SEMA5A: variants seen among roughly 807,000 people sequenced by gnomAD.
The protein encoded by SEMA5A is semaphorin-5A.
A neutral mutation model predicts 135.5 loss-of-function variants in SEMA5A; 55 were observed. That is an observed-to-expected ratio of 0.41 (90% CI 0.33 to 0.51). The LOEUF (loss-of-function observed/expected upper bound fraction) is 0.51, where lower values mean the gene tolerates loss of function less well. Among genes scored for constraint, SEMA5A ranks in the 20% least tolerant of loss-of-function variants. SEMA5A has a pLI of 0.37. For missense variants in SEMA5A, 1,290 were observed against 1,419.9 expected (o/e 0.91, Z 1.47); for synonymous variants, 580 against 546.5 (o/e 1.06, Z -0.85).
chr5:9,503,413 C>G (rs937169670), intron 1 of SEMA5A, among the ~76,000 whole-genome samples: 3 of 152,148 alleles, frequency 2.0e-5, no homozygotes, highest in African/African-American at 7.2e-5. Flanking sequence ...GAGGTGGTGT[C>G]CTAGAGACTA....
intron 3 of SEMA5A, among the ~76,000 whole-genome samples, chr5:9,356,319 C>T (rs1754444934): frequency 6.6e-6 from 1 of 152,168 alleles, no homozygotes; most frequent in Non-Finnish European, 1.5e-5. Context: ...GGTGTGTGTG[C>T]ATGTGCGTGC....
chr5:9,220,879 T>C (rs1290952800), intron 8 of SEMA5A, among the ~76,000 whole-genome samples: 1 of 152,190 alleles, frequency 6.6e-6, no homozygotes, highest in African/African-American at 2.4e-5. Context: ...CAGCGCCGCA[T>C]GGTGGGATGC....
intron 2 of SEMA5A, among the ~76,000 whole-genome samples, chr5:9,408,689 A>T (rs1296912198): frequency 1.3e-5 from 2 of 152,226 alleles, no homozygotes; most frequent in Non-Finnish European, 2.9e-5. Flanking sequence ...CATATGAAGA[A>T]ACTGAGGCAA....
At chr5:9,296,343 G>A (rs1435692313) in intron 5 of SEMA5A, among the ~76,000 whole-genome samples, 1 of 152,070 alleles carries the variant, frequency 6.6e-6, no homozygotes, top group Non-Finnish European at 1.5e-5. Flanking sequence ...GTGGTAAACT[G>A]CGATTTGTCA....
intron 5 of SEMA5A, among the ~76,000 whole-genome samples, chr5:9,297,281 C>T (rs545057689): frequency 2.8e-4 from 43 of 152,070 alleles, no homozygotes; most frequent in African/African-American, 8.7e-4. Flanking sequence ...GGGGGAATTA[C>T]GCCTGCAGGA....
chr5:9,385,045 T>C (rs1252597614), intron 2 of SEMA5A, among the ~76,000 whole-genome samples: 1 of 152,190 alleles, frequency 6.6e-6, no homozygotes, highest in Admixed American at 6.5e-5. Context: ...ACAAATGAAT[T>C]TGCCAATATG....
intron 16 of SEMA5A, among the ~76,000 whole-genome samples, chr5:9,103,174 T>G (rs1739722323): frequency 1.3e-5 from 2 of 152,240 alleles, no homozygotes; most frequent in South Asian, 4.1e-4. Context: ...AGTTGCAGGG[T>G]TTTTGGGTAC....
At chr5:9,405,961 A>T (rs938366454) in intron 2 of SEMA5A, among the ~76,000 whole-genome samples, 12 of 152,204 alleles carry the variant, frequency 7.9e-5, no homozygotes, top group African/African-American at 2.9e-4. Context: ...CAACAAGATG[A>T]TGAATATCTG....
chr5:9,394,834 T>TA (rs1756319675), intron 2 of SEMA5A, among the ~76,000 whole-genome samples: 1 of 152,154 alleles, frequency 6.6e-6, no homozygotes, highest in Non-Finnish European at 1.5e-5. Context: ...ATTAAGCCAA[T>TA]GTAGTAAAAC....
chr5:9,374,274 A>G (rs1244241975), intron 3 of SEMA5A, among the ~76,000 whole-genome samples: 1 of 152,148 alleles, frequency 6.6e-6, no homozygotes, highest in Non-Finnish European at 1.5e-5. Flanking sequence ...GAAAAAAAAA[A>G]AGATTCTACC....
chr5:9,050,680 T>A (rs1262504739), intron 20 of SEMA5A, among the ~76,000 whole-genome samples: 3 of 152,216 alleles, frequency 2.0e-5, no homozygotes, highest in Non-Finnish European at 4.4e-5. Context: ...TAAGATTCAT[T>A]TATCACAGAA....
rs1364677302 is a variant in SEMA5A at position 9,204,267 on chromosome 5, T to C, written c.647-2027A>G. On this transcript the variant is annotated intron_variant, in intron 8 of 22. Coordinates refer to ENST00000382496, the MANE Select transcript of SEMA5A (RefSeq NM_003966.3). The surrounding 1 kb of genome is among the most constrained non-coding windows in gnomAD (Gnocchi z 6.4). ...AAAACAAAGAGAGAAGGCGTAAGGG[T>C]CCAAGTGTGTCTAGCCCGGGACTTA... 1.3e-5 allele frequency among the ~76,000 whole-genome samples: 2 copies of C among 152,030 alleles called. No homozygotes were observed. The highest frequency in any genetic ancestry group is 2.4e-5 in the African/African-American group (1 of 41,380).
intron 1 of SEMA5A, among the ~76,000 whole-genome samples, chr5:9,525,778 CTG>C (rs1179830377): frequency 6.6e-6 from 1 of 152,190 alleles, no homozygotes; most frequent in African/African-American, 2.4e-5. Flanking sequence ...GAACACCAGA[CTG>C]AGAAATTGTA....
intron 16 of SEMA5A, among the ~76,000 whole-genome samples, chr5:9,103,189 C>T (rs1291619685): frequency 6.6e-6 from 1 of 152,120 alleles, no homozygotes; most frequent in Non-Finnish European, 1.5e-5. Context: ...GGGTACCTAA[C>T]TGGTTTTCTA....
intron 3 of SEMA5A, among the ~76,000 whole-genome samples, chr5:9,356,541 C>T (rs1335799880): frequency 1.3e-5 from 2 of 152,128 alleles, no homozygotes; most frequent in Non-Finnish European, 2.9e-5. Flanking sequence ...GAAAAGAACC[C>T]CCACCAAGTT....
At chr5:9,396,662 C>G (rs1198900226) in intron 2 of SEMA5A, among the ~76,000 whole-genome samples, 7 of 152,156 alleles carry the variant, frequency 4.6e-5, no homozygotes. Flanking sequence ...CAAAAATACT[C>G]AAACTCTCAA....
intron 11 of SEMA5A, among the ~76,000 whole-genome samples, chr5:9,161,024 C>T (rs527812051): frequency 6.6e-6 from 1 of 152,234 alleles, no homozygotes; most frequent in South Asian, 2.1e-4. Flanking sequence ...TCTTATATTC[C>T]CAGTCCCCAT....
chr5:9,496,193 T>A (rs905144036), intron 1 of SEMA5A, among the ~76,000 whole-genome samples: 1 of 152,108 alleles, frequency 6.6e-6, no homozygotes, highest in Non-Finnish European at 1.5e-5. Flanking sequence ...TACAAGCGTG[T>A]GCCACCGCAC....
chr5:9,067,446 C>T (rs2150074991), intron 16 of SEMA5A, among the ~76,000 whole-genome samples: 1 of 152,314 alleles, frequency 6.6e-6, no homozygotes, highest in East Asian at 1.9e-4. Flanking sequence ...GACATAATTT[C>T]TCCATTTTAC....
Sources: gnomAD v4.1 joint callset for allele counts (sites outside exome capture counted in the v4.1 genomes callset) on GRCh38, gnomAD v4.1.1 for gene constraint, Gnocchi (gnomAD v3.1) non-coding constraint, MANE v1.5 for transcripts, NCBI Gene and HGNC (gene_info 2026-07-23, HGNC 2026-07-21) for gene names.